CCDC102A: variants seen among roughly 807,000 people sequenced by gnomAD.
CCDC102A encodes coiled-coil domain-containing protein 102A.
In CCDC102A, 40 loss-of-function variants were observed where a neutral mutation model predicts 55.5. The observed-to-expected ratio is 0.72, with a 90% CI of 0.56 to 0.94. CCDC102A has a LOEUF of 0.94. Ranked by LOEUF, CCDC102A falls within the 40% of genes least tolerant of loss-of-function variation. The pLI is 0.00. For missense variants in CCDC102A, 779 were observed against 768.6 expected, an observed-to-expected ratio of 1.01 and a Z score of -0.16; for synonymous variants, 323 against 339.0, an observed-to-expected ratio of 0.95 and a Z score of 0.52.
intron 8 of CCDC102A, among the ~76,000 whole-genome samples, chr16:57,513,892 C>G (rs150754400): frequency 6.6e-6 from 1 of 152,244 alleles, no homozygotes; most frequent in South Asian, 2.1e-4. Flanking sequence ...GCCACAAGAT[C>G]TCAGCAAACA....
chr16:57,526,423 C>T (rs2032143460), intron 2 of CCDC102A, among the ~76,000 whole-genome samples: 1 of 152,158 alleles, frequency 6.6e-6, no homozygotes, highest in South Asian at 2.1e-4. Context: ...CGGCGGGGCA[C>T]CGATGGGAAC....
chr16:57,513,957 G>A (rs1364932347), intron 8 of CCDC102A, among the ~76,000 whole-genome samples: 3 of 152,202 alleles, frequency 2.0e-5, no homozygotes, highest in Admixed American at 1.3e-4. Context: ...ATGGCCAGGG[G>A]TGATTCTGCC....
At chr16:57,520,939 CAAAAAAA>C in intron 4 of CCDC102A, 122 bp downstream of exon 4, 2 of 505,234 alleles carry the variant, frequency 4.0e-6, no homozygotes, top group East Asian at 6.8e-5. Flanking sequence ...GACTCTGTCT[CAAAAAAA>C]AAAAAAAAAG....
chr16:57,524,963 C>T (rs1235195251), intron 3 of CCDC102A, among the ~76,000 whole-genome samples: 3 of 152,172 alleles, frequency 2.0e-5, no homozygotes, highest in Non-Finnish European at 4.4e-5. Flanking sequence ...CTCTTGTCTC[C>T]TCTGCTGTTT....
chr16:57,523,566 G>C (rs142644892), intron 3 of CCDC102A, among the ~76,000 whole-genome samples: 1 of 150,944 alleles, frequency 6.6e-6, no homozygotes, highest in African/African-American at 2.4e-5. Context: ...CCTCAGCCTC[G>C]ACCTCCTGGG....
intron 3 of CCDC102A, among the ~76,000 whole-genome samples, chr16:57,523,974 T>C (rs1400899596): frequency 6.6e-6 from 1 of 152,102 alleles, no homozygotes; most frequent in Non-Finnish European, 1.5e-5. Context: ...GCACCTACTC[T>C]GCCAGGGCCA....
Position 57,521,258 on chromosome 16 carries a change from C to T in CCDC102A, c.813-82G>A, listed in dbSNP as rs898892721. On this transcript the variant is annotated intron_variant, in intron 3 of 8. Coordinates refer to ENST00000258214, the MANE Select transcript of CCDC102A (RefSeq NM_033212.4). ...CACCAAGGGTGGCCCTGCTGTGTGC[C>T]CTCTGCACTTGTTGAGCCCAAGTCC... 23 of 1,052,654 alleles carry T rather than the reference C, an allele frequency of 2.2e-5. No individual in the cohort carries two copies. In the African/African-American group the frequency reaches 3.0e-4, roughly 14 times the overall value. The allele number at this position is 1,052,654 out of a possible 1,614,324, so 65.2% of individuals were successfully genotyped here.
chr16:57,533,330 C>A (rs1182281078), intron 1 of CCDC102A, among the ~76,000 whole-genome samples: 1 of 151,980 alleles, frequency 6.6e-6, no homozygotes. Flanking sequence ...AGAAGCCCAC[C>A]CCGCCCCCAG....
chr16:57,515,284 G>T, intron 8 of CCDC102A, 57 bp downstream of exon 8: 1 of 1,128,632 alleles, frequency 8.9e-7, no homozygotes, highest in Non-Finnish European at 1.3e-6. Context: ...GTCCCTGACC[G>T]GAGGGTTCCC....
intron 3 of CCDC102A, among the ~76,000 whole-genome samples, chr16:57,524,710 T>C (rs1303730663): frequency 1.5e-5 from 2 of 136,212 alleles, no homozygotes; most frequent in South Asian, 2.1e-4. Flanking sequence ...CTGGCCATTA[T>C]ATTGATTTTT....
Position 57,517,945 on chromosome 16 carries a change from A to C in CCDC102A, c.1248+123T>G, listed in dbSNP as rs555078920. The stretch of plus-strand genomic sequence containing the variant: ...ATAATTACCAACTGGTCTAGCACAC[A>C]AGGTGCTGAATACATGCAGCTACCA... On this transcript the variant is annotated intron_variant, in intron 6 of 8. Transcript: ENST00000258214. The C allele has an allele frequency of 1.1e-5, 12 of 1,121,362 alleles. 1 individual carries two copies. The South Asian group carries it at 1.8e-4, about 17-fold the overall frequency. 69.5% of individuals were successfully genotyped at this position (1,121,362 alleles called of 1,614,324 possible).
chr16:57,518,659 C>G lies in CCDC102A; in HGVS notation c.1004G>C (p.Ser335Thr), dbSNP rs1182041541. ...DLEDELGARS[S>T]MDRKMAELRG... ...CAGCTCGGCCATTTTCCGGTCCATG[C>G]TGGAGCGTGCACCGAGCTCATCTTC... The change falls in exon 5 of 9, where the codon AGC becomes ACC. Residue 335 changes from serine to threonine, a missense_variant. Coordinates refer to ENST00000258214, the MANE Select transcript of CCDC102A (RefSeq NM_033212.4). The G allele has an allele frequency of 3.7e-6, 6 of 1,613,744 alleles. No individual in the cohort carries two copies. The African/African-American group carries it at 8.0e-5, about 22-fold the overall frequency.
At chr16:57,525,556 C>T (rs540472433) in intron 3 of CCDC102A, among the ~76,000 whole-genome samples, 1 of 152,312 alleles carries the variant, frequency 6.6e-6, no homozygotes, top group Admixed American at 6.5e-5. Context: ...CCAGCTGCAA[C>T]CTTCCAACTT....
chr16:57,528,845 C>T lies in CCDC102A; in HGVS notation c.333G>A (p.Val111=), dbSNP rs2032195214. The T allele has an allele frequency of 3.0e-6, 4 of 1,330,142 alleles. No individual in the cohort carries two copies. Among genetic ancestry groups the T allele is most frequent in the South Asian group, 3.1e-5 (2 of 65,502 alleles). The allele number at this position is 1,330,142 out of a possible 1,614,324, so 82.4% of individuals were successfully genotyped here. ...TANWREKWSK[V]RAERNRAREE... is the part of the protein sequence containing the mutation. ...CGCGCGCGCGGTTGCGCTCAGCGCG[C>T]ACCTTGCTCCATTTCTCGCGCCAAT... is the stretch of plus-strand genomic sequence containing the variant. Residue 111 remains valine, a synonymous_variant, in exon 2 of 9, where the codon GTG becomes GTA. Coordinates refer to ENST00000258214, the MANE Select transcript of CCDC102A (RefSeq NM_033212.4).
chr16:57,516,144 C>T lies in CCDC102A; in HGVS notation c.1419+149G>A, dbSNP rs544243739. On this transcript the variant is annotated intron_variant, in intron 7 of 8. Transcript: ENST00000258214. This position sits in a 1 kb window ranked among gnomAD's most constrained non-coding sequence, Gnocchi z 4.4. ...TCCATCCTGCCATCCATTCATCACG[C>T]ACCTACCCACTCTATCCTGGGCGAC... The T allele has an allele frequency of 4.3e-6, 3 of 699,738 alleles. No homozygotes were observed. The East Asian group carries it at 8.1e-5, about 19-fold the overall frequency. The allele number at this position is 699,738 out of a possible 1,614,324, so 43.3% of individuals were successfully genotyped here.
rs576638215 is a variant in CCDC102A, at chr16:57,512,473, T to C, written c.*268A>G. On this transcript the variant is annotated 3_prime_UTR_variant, in exon 9 of 9. Coordinates refer to ENST00000258214, the MANE Select transcript of CCDC102A (RefSeq NM_033212.4). ...TCTGGACTGGGCCTTGGAGCTGTCC[T>C]GTATTTATAAAACCAAATGGGTCCA... 1.6e-5 allele frequency: 7 copies of C among 431,742 alleles called. No individual in the cohort carries two copies. The highest frequency in any genetic ancestry group is 6.9e-5 in the East Asian group (2 of 29,108). The allele number at this position is 431,742 out of a possible 1,614,324, so 26.7% of individuals were successfully genotyped here.
In CCDC102A at chr16:57,518,111, C is replaced by T; in HGVS notation, c.1205G>A (p.Cys402Tyr). The change falls in exon 6 of 9, where the codon TGC becomes TAC. Residue 402 changes from cysteine (C) to tyrosine (Y), a missense_variant. Physicochemically the swap from Cys to Tyr is radical, Grantham distance 194. Transcript: ENST00000258214. ...RRRQTASALDCDLRASQAALF... is the reference protein window; with the variant it reads ...RRRQTASALDYDLRASQAALF... ...CGCGGCCTGGCTGGCCCTCAGGTCG[C>T]AGTCCAGTGCGCTGGCTGTTTGCCG... The T allele has an allele frequency of 6.2e-7, 1 of 1,607,772 alleles. No individual in the cohort carries two copies. Among genetic ancestry groups the T allele is most frequent in the Admixed American group, 1.7e-5 (1 of 59,958 alleles).
In CCDC102A at chr16:57,518,624, C is replaced by T. The variant is rs751806754; in HGVS notation, c.1038+1G>A. ...CTCCTGGGTCCCATCCATGGCCTCA[C>T]CTCGCCCCTCAGCTCGGCCATTTTC... is the stretch of plus-strand genomic sequence containing the variant. On this transcript the variant is annotated splice_donor_variant, in intron 5 of 8. Transcript: ENST00000258214. LOFTEE classifies it high-confidence loss of function. The T allele has an allele frequency of 1.2e-6, 2 of 1,612,648 alleles. No homozygotes were observed. Among genetic ancestry groups the T allele is most frequent in the Non-Finnish European group, 1.7e-6 (2 of 1,179,196 alleles).
chr16:57,522,485 C>T (rs2032068784), intron 3 of CCDC102A, among the ~76,000 whole-genome samples: 1 of 152,204 alleles, frequency 6.6e-6, no homozygotes, highest in Non-Finnish European at 1.5e-5. Flanking sequence ...AACTCCTGGA[C>T]TCAAGCGATC....
Sources: allele counts gnomAD v4.1 joint callset (sites outside exome capture counted in the v4.1 genomes callset), GRCh38; gene constraint gnomAD v4.1.1; non-coding constraint Gnocchi (gnomAD v3.1); transcripts MANE v1.5; gene names NCBI Gene and HGNC (gene_info 2026-07-23, HGNC 2026-07-21).